Variants in SIK2 observed in about 807,000 individuals in gnomAD.
SIK2 encodes salt inducible kinase 2.
In SIK2, 29 loss-of-function variants were observed where a neutral mutation model predicts 103.2. The ratio of observed to expected loss-of-function variants is 0.28; its 90% CI spans 0.21 to 0.38. The LOEUF (loss-of-function observed/expected upper bound fraction) is 0.38. Ranked by LOEUF, SIK2 falls within the 10% of genes least tolerant of loss-of-function variation. SIK2 has a pLI of 1.00. For missense variants in SIK2, 879 were observed against 1,171.0 expected (o/e 0.75, Z 3.64); for synonymous variants, 412 against 446.1 (o/e 0.92, Z 0.96).
At chr11:111,693,170 A>G (rs987701330) in intron 4 of SIK2, among the ~76,000 whole-genome samples, 1 of 152,054 alleles carries the variant, frequency 6.6e-6, no homozygotes, top group African/African-American at 2.4e-5. Context: ...CGTCTCTACT[A>G]AAAATACAAA....
At chr11:111,621,332 A>C (rs1388771248) in intron 3 of SIK2, among the ~76,000 whole-genome samples, 1 of 152,212 alleles carries the variant, frequency 6.6e-6, no homozygotes, top group East Asian at 1.9e-4. Flanking sequence ...GATATACTCA[A>C]ATGTAATCAT....
chr11:111,676,886 CTGTGTAAAGAA>C (rs1942710027), intron 3 of SIK2, among the ~76,000 whole-genome samples: 2 of 152,196 alleles, frequency 1.3e-5, no homozygotes, highest in South Asian at 4.2e-4. Flanking sequence ...ATGTATTTAT[CTGTGTAAAGAA>C]TGTGTTAGAA....
intron 3 of SIK2, among the ~76,000 whole-genome samples, chr11:111,661,304 T>C (rs1359994309): frequency 6.6e-6 from 1 of 152,176 alleles, no homozygotes; most frequent in Non-Finnish European, 1.5e-5. Context: ...TGATTTTTTA[T>C]AAGCCTTATT....
At chr11:111,648,141 T>A (rs1442483942) in intron 3 of SIK2, among the ~76,000 whole-genome samples, 1 of 152,006 alleles carries the variant, frequency 6.6e-6, no homozygotes, top group Non-Finnish European at 1.5e-5. Flanking sequence ...AATAAGTAAT[T>A]AAGAGATTTT....
chr11:111,720,734 C>A lies in SIK2; in HGVS notation c.1752C>A (p.Arg584=), dbSNP rs781246925. ...CTCCAGTGAGCTTCAGAGAGGGCCGCAGAGCATCAGATACCTCCCTCACCC... is the reference window on the plus strand; with the variant it reads ...CTCCAGTGAGCTTCAGAGAGGGCCGAAGAGCATCAGATACCTCCCTCACCC... The part of the protein sequence containing the change: ...NRSPVSFREG[R]RASDTSLTQG... Residue 584 remains arginine, a synonymous_variant, in exon 11 of 15, where the codon CGC becomes CGA. Coordinates refer to ENST00000304987, the MANE Select transcript of SIK2 (RefSeq NM_015191.3). 2 of 1,604,108 alleles carry A rather than the reference C, an allele frequency of 1.2e-6. No homozygotes were observed. The highest frequency in any genetic ancestry group is 2.2e-5 in the East Asian group (1 of 44,818).
chr11:111,723,820 A>ACCCCCCCCCCCCCCCCC lies in SIK2; in HGVS notation c.2474_2475insCCCCCCCCCCCCCCCCC (p.Pro831ArgfsTer53). 1 of 1,560,922 alleles carries ACCCCCCCCCCCCCCCCC rather than the reference A, an allele frequency of 6.4e-7. No homozygotes were observed. The highest frequency in any genetic ancestry group is 8.7e-7 in the Non-Finnish European group (1 of 1,150,998). On this transcript the variant is annotated frameshift_variant, in exon 15 of 15. Transcript: ENST00000304987. LOFTEE classifies it high-confidence loss of function. ...CGCAGCTACAGCAGCAGCAGCCGCC[A>ACCCCCCCCCCCCCCCCC]CCGCCACCACCCCCTCCACCACCAC... is the stretch of plus-strand genomic sequence containing the variant.
intron 1 of SIK2, among the ~76,000 whole-genome samples, chr11:111,615,645 C>G (rs1475294857): frequency 1.3e-5 from 2 of 152,138 alleles, no homozygotes; most frequent in East Asian, 3.8e-4. Flanking sequence ...GTCACAGTTT[C>G]TGAAATAAAA....
Position 111,725,353 on chromosome 11 carries a change from G to A in SIK2, c.*1224G>A, listed in dbSNP as rs924954029. On this transcript the variant is annotated 3_prime_UTR_variant, in exon 15 of 15. Coordinates refer to ENST00000304987, the MANE Select transcript of SIK2 (RefSeq NM_015191.3). ...TTCAAGTATTACAGCAATATTCAAAGAAAGAACCACAGATGTGTTAACCAT... is the reference window on the plus strand; with the variant it reads ...TTCAAGTATTACAGCAATATTCAAAAAAAGAACCACAGATGTGTTAACCAT... The A allele has an allele frequency of 6.6e-6, 1 of 150,660 alleles. No individual in the cohort carries two copies. Among genetic ancestry groups the A allele is most frequent in the Non-Finnish European group, 1.5e-5 (1 of 66,780 alleles). The allele number at this position is 150,660 out of a possible 1,614,324, so 9.3% of individuals were successfully genotyped here.
At chr11:111,617,795 G>C (rs1208763625) in intron 2 of SIK2, among the ~76,000 whole-genome samples, 1 of 12,312 alleles carries the variant, frequency 8.1e-5, no homozygotes, top group African/African-American at 1.0e-4. Context: ...TATGCAATGT[G>C]TGTTTATATA....
chr11:111,624,671 A>G (rs1941938168), intron 3 of SIK2, among the ~76,000 whole-genome samples: 1 of 152,248 alleles, frequency 6.6e-6, no homozygotes, highest in African/African-American at 2.4e-5. Context: ...ACTCTTTTAC[A>G]TTCTAGTTTG....
At chr11:111,702,151 T>A (rs1372078104) in intron 6 of SIK2, among the ~76,000 whole-genome samples, 1 of 152,234 alleles carries the variant, frequency 6.6e-6, no homozygotes, top group East Asian at 1.9e-4. Flanking sequence ...CCAGACTGCC[T>A]GGTTTTAATC....
At chr11:111,657,739 G>A (rs543405008) in intron 3 of SIK2, among the ~76,000 whole-genome samples, 20 of 152,274 alleles carry the variant, frequency 1.3e-4, no homozygotes, top group Middle Eastern at 3.4e-3. Context: ...GAGAATTGGT[G>A]GGGGGAGGTG....
At chr11:111,671,892 G>T in intron 3 of SIK2, 1 of 427,894 alleles carries the variant, frequency 2.3e-6, no homozygotes, top group Non-Finnish European at 4.5e-6. Flanking sequence ...GTATCACCAA[G>T]CTCCACCTCC....
chr11:111,643,253 T>C lies in SIK2; in HGVS notation c.316+22851T>C, dbSNP rs565583171. Reference sequence around the variant, plus strand: ...AAATGATGAGTAGGATTTGTTTTGCTTTAAAAATTTATTATATTTTAGGGA... The same window carrying C: ...AAATGATGAGTAGGATTTGTTTTGCCTTAAAAATTTATTATATTTTAGGGA... On this transcript the variant is annotated intron_variant, in intron 3 of 14. Transcript: ENST00000304987. 2.2e-4 allele frequency among the ~76,000 whole-genome samples: 33 copies of C among 152,256 alleles called. No homozygotes were observed. In the South Asian group the frequency reaches 5.4e-3, roughly 25 times the overall value.
At chr11:111,666,747 T>G (rs1277829992) in intron 3 of SIK2, among the ~76,000 whole-genome samples, 4 of 152,152 alleles carry the variant, frequency 2.6e-5, no homozygotes, top group Non-Finnish European at 5.9e-5. Context: ...CCATCTGCAT[T>G]TATGATGTCA....
chr11:111,626,464 C>G (rs1310272391), intron 3 of SIK2, among the ~76,000 whole-genome samples: 1 of 151,528 alleles, frequency 6.6e-6, no homozygotes, highest in Non-Finnish European at 1.5e-5. Context: ...CCTTTTCCTT[C>G]CTACCTGAAT....
chr11:111,692,387 A>AAAAAAAAAAAC (rs1565360215), intron 4 of SIK2, among the ~76,000 whole-genome samples: 2 of 113,486 alleles, frequency 1.8e-5, no homozygotes, highest in Admixed American at 9.8e-5. Flanking sequence ...AAAAAAAAAA[A>AAAAAAAAAAAC]ACACAAAAAG....
chr11:111,667,054 G>A (rs757493664), intron 3 of SIK2, among the ~76,000 whole-genome samples: 14 of 151,256 alleles, frequency 9.3e-5, no homozygotes, highest in Non-Finnish European at 1.3e-4. Context: ...CGCAACCTCC[G>A]CCTCCCAGGT....
chr11:111,637,478 GAGA>G (rs1942125127), intron 3 of SIK2, among the ~76,000 whole-genome samples: 1 of 36,868 alleles, frequency 2.7e-5, no homozygotes, highest in Non-Finnish European at 5.0e-5. Flanking sequence ...TTTTTTTTTT[GAGA>G]AGGAGTCTCC....
Sources: allele counts gnomAD v4.1 joint callset (sites outside exome capture counted in the v4.1 genomes callset), GRCh38; gene constraint gnomAD v4.1.1; transcripts MANE v1.5; gene names NCBI Gene and HGNC (gene_info 2026-07-23, HGNC 2026-07-21).